Variants in STXBP5L observed in about 807,000 individuals in gnomAD.
The protein encoded by STXBP5L is syntaxin-binding protein 5-like.
In STXBP5L, 65 loss-of-function variants were observed where a neutral mutation model predicts 144.5. That is an observed-to-expected ratio of 0.45 (90% CI 0.37 to 0.55). The LOEUF is 0.55. Among genes scored for constraint, STXBP5L ranks in the 20% least tolerant of loss-of-function variants. The probability of loss-of-function intolerance (pLI) is 0.00; values close to 1 mark genes in which losing one functional copy is unlikely to be tolerated. For synonymous variants in STXBP5L, 505 were observed against 469.6 expected (o/e 1.08, Z -0.97); for missense variants, 1,298 against 1,405.5 (o/e 0.92, Z 1.22).
chr3:121,018,264 C>G (rs1391069325), intron 3 of STXBP5L, among the ~76,000 whole-genome samples: 1 of 152,030 alleles, frequency 6.6e-6, no homozygotes, highest in Non-Finnish European at 1.5e-5. Flanking sequence ...CCCAGAATAA[C>G]CAACACAATC....
chr3:121,295,924 A>T (rs1230418151), intron 19 of STXBP5L, among the ~76,000 whole-genome samples: 1 of 152,162 alleles, frequency 6.6e-6, no homozygotes, highest in Admixed American at 6.5e-5. Context: ...GAGAATACTG[A>T]TATTTTATTT....
chr3:120,915,479 A>G (rs1049833907), intron 2 of STXBP5L, among the ~76,000 whole-genome samples: 1 of 152,124 alleles, frequency 6.6e-6, no homozygotes, highest in Non-Finnish European at 1.5e-5. Flanking sequence ...AAACTTTCAA[A>G]TTGAGTTTGT....
At chr3:121,109,957 A>G (rs776561998) in intron 5 of STXBP5L, among the ~76,000 whole-genome samples, 4 of 152,158 alleles carry the variant, frequency 2.6e-5, no homozygotes, top group African/African-American at 9.7e-5. Context: ...TTTTACCATT[A>G]TGTAATGCCC....
At position 121,293,707 on chromosome 3, in the gene STXBP5L, A is replaced by G. The variant is rs1559943350; in HGVS notation, c.2110+13751A>G. ...AAACCCTGTCTCTACTAAAAATACA[A>G]AAAATTAGCCGGGTGTATTGGTGGG... On this transcript the variant is annotated intron_variant, in intron 19 of 26. Coordinates refer to ENST00000471454, the MANE Select transcript of STXBP5L (RefSeq NM_001308330.2). Among the ~76,000 whole-genome samples, 6 of 152,188 alleles carry G rather than the reference A, an allele frequency of 3.9e-5. No homozygotes were observed. The South Asian group carries it at 1.2e-3, about 32-fold the overall frequency.
chr3:121,343,681 C>A (rs182609627), intron 20 of STXBP5L, among the ~76,000 whole-genome samples: 12 of 152,200 alleles, frequency 7.9e-5, no homozygotes, highest in African/African-American at 2.6e-4. Context: ...CCTAGGAATC[C>A]AACTTACAAG....
intron 5 of STXBP5L, among the ~76,000 whole-genome samples, chr3:121,101,804 C>T (rs1381838330): frequency 1.3e-5 from 2 of 151,994 alleles, no homozygotes; most frequent in Non-Finnish European, 2.9e-5. Context: ...TGTCTTTTTG[C>T]TGATGATATA....
intron 20 of STXBP5L, among the ~76,000 whole-genome samples, chr3:121,358,847 C>T (rs1320920009): frequency 6.6e-6 from 1 of 152,138 alleles, no homozygotes; most frequent in Admixed American, 6.5e-5. Context: ...TTGAATAGTA[C>T]TCCATTGCAT....
At chr3:121,181,607 G>C (rs1334231126) in intron 9 of STXBP5L, among the ~76,000 whole-genome samples, 1 of 152,100 alleles carries the variant, frequency 6.6e-6, no homozygotes, top group Non-Finnish European at 1.5e-5. Flanking sequence ...GGTCGTAGAT[G>C]CCTGTAGTCC....
At chr3:120,983,997 C>T (rs1942052136) in intron 3 of STXBP5L, among the ~76,000 whole-genome samples, 1 of 152,232 alleles carries the variant, frequency 6.6e-6, no homozygotes, top group Admixed American at 6.5e-5. Context: ...TGCAGAGTAG[C>T]TGCTGAGTTT....
intron 6 of STXBP5L, among the ~76,000 whole-genome samples, chr3:121,119,641 T>G (rs17248676): frequency 0.034 from 5,207 of 151,438 alleles, 334 homozygotes; most frequent in Admixed American, 0.17. Context: ...CCACAGATGC[T>G]TTTTTATTTT....
At chr3:121,201,971 G>T (rs956526493) in intron 9 of STXBP5L, among the ~76,000 whole-genome samples, 2 of 152,138 alleles carry the variant, frequency 1.3e-5, no homozygotes, top group Non-Finnish European at 2.9e-5. Context: ...GGCCAGGCCG[G>T]TGTTGAACAC....
At chr3:121,182,600 C>G (rs1410069045) in intron 9 of STXBP5L, among the ~76,000 whole-genome samples, 1 of 152,070 alleles carries the variant, frequency 6.6e-6, no homozygotes, top group Middle Eastern at 3.4e-3. Flanking sequence ...ACTAGAGAAA[C>G]AAGAACAAAC....
chr3:121,364,155 A>T (rs994727611), intron 20 of STXBP5L, among the ~76,000 whole-genome samples: 1 of 152,168 alleles, frequency 6.6e-6, no homozygotes, highest in Non-Finnish European at 1.5e-5. Context: ...TCTAAGAGAT[A>T]ATCAAGTTTT....
intron 18 of STXBP5L, among the ~76,000 whole-genome samples, chr3:121,262,026 C>T (rs757275427): frequency 2.0e-5 from 3 of 152,112 alleles, no homozygotes; most frequent in Admixed American, 6.6e-5. Flanking sequence ...GCTTTGTTTG[C>T]GCTTGGCAGA....
chr3:121,362,002 G>A (rs779951201), intron 20 of STXBP5L, among the ~76,000 whole-genome samples: 3 of 152,204 alleles, frequency 2.0e-5, no homozygotes, highest in East Asian at 1.9e-4. Flanking sequence ...TGCTTTGGGG[G>A]CACCCCAAGC....
chr3:121,281,479 G>T (rs535274859), intron 19 of STXBP5L, among the ~76,000 whole-genome samples: 1 of 151,940 alleles, frequency 6.6e-6, no homozygotes, highest in African/African-American at 2.4e-5. Context: ...GGGGCAGTAG[G>T]CTATTTATAA....
chr3:120,959,309 G>A (rs1938452602), intron 3 of STXBP5L, among the ~76,000 whole-genome samples: 1 of 152,184 alleles, frequency 6.6e-6, no homozygotes, highest in Non-Finnish European at 1.5e-5. Context: ...TCAATGTCTT[G>A]AAACTGGCCA....
chr3:121,005,014 T>G (rs943898428), intron 3 of STXBP5L, among the ~76,000 whole-genome samples: 2 of 152,162 alleles, frequency 1.3e-5, no homozygotes, highest in Non-Finnish European at 2.9e-5. Flanking sequence ...AAAATTCTCT[T>G]TTTTGGTTGT....
intron 5 of STXBP5L, among the ~76,000 whole-genome samples, chr3:121,067,149 A>G (rs1434606803): frequency 2.0e-5 from 3 of 151,702 alleles, no homozygotes; most frequent in Non-Finnish European, 2.9e-5. Context: ...TCAAATGTAC[A>G]TGTATTTTTC....
Sources: allele counts gnomAD v4.1 joint callset (sites outside exome capture counted in the v4.1 genomes callset), GRCh38; gene constraint gnomAD v4.1.1; transcripts MANE v1.5; gene names NCBI Gene and HGNC (gene_info 2026-07-23, HGNC 2026-07-21).